Variants in CBFA2T3 observed in about 807,000 individuals in gnomAD.
The protein encoded by CBFA2T3 is transcriptional corepressor CBFA2T3.
Under a neutral mutation model 58.6 loss-of-function variants are expected in CBFA2T3, and 31 were observed. That is an observed-to-expected ratio of 0.53 (90% confidence interval 0.40 to 0.71). CBFA2T3 has a LOEUF of 0.71. Among genes scored for constraint, CBFA2T3 ranks in the 30% least tolerant of loss-of-function variants. The pLI, the probability that CBFA2T3 is intolerant of heterozygous loss-of-function variation, is 0.00. For synonymous variants in CBFA2T3, 531 were observed against 421.9 expected, an observed-to-expected ratio of 1.26 and a Z score of -3.17; for missense variants, 1,076 against 963.1, an observed-to-expected ratio of 1.12 and a Z score of -1.55.
At position 88,891,975 on chromosome 16, in the gene CBFA2T3, CA is replaced by C. The variant is rs766371431; in HGVS notation, c.622-5del. On this transcript the variant is annotated splice_polypyrimidine_tract_variant and splice_region_variant and intron_variant, in intron 4 of 11. Transcript: ENST00000268679. Reference sequence around the variant, plus strand: ...CCTCGATCGTCAATGTCGAGTTCTGCAGGGGAGAAAACCCACCTCACATCAG... The same window carrying C: ...CCTCGATCGTCAATGTCGAGTTCTGCGGGGAGAAAACCCACCTCACATCAG... 1.2e-6 allele frequency: 2 copies of C among 1,611,536 alleles called. No individual in the cohort carries two copies. Among genetic ancestry groups the C allele is most frequent in the Admixed American group, 3.3e-5 (2 of 59,954 alleles).
intron 1 of CBFA2T3, among the ~76,000 whole-genome samples, chr16:88,912,285 C>G (rs1430168935): frequency 6.6e-6 from 1 of 152,240 alleles, no homozygotes. Flanking sequence ...CAAGTGAACC[C>G]AGGGCTCGCC....
intron 1 of CBFA2T3, among the ~76,000 whole-genome samples, chr16:88,945,625 G>A (rs577913044): frequency 2.7e-4 from 41 of 152,262 alleles, no homozygotes; most frequent in African/African-American, 9.9e-4. Context: ...GAGAGGCCAC[G>A]ACACGCCTGT....
chr16:88,882,134 G>C (rs976236413), intron 8 of CBFA2T3, among the ~76,000 whole-genome samples: 5 of 152,260 alleles, frequency 3.3e-5, no homozygotes, highest in Non-Finnish European at 5.9e-5. Context: ...GCTGGGAGGA[G>C]GGGGGCTCAG....
chr16:88,936,573 C>A (rs371023786), intron 1 of CBFA2T3, among the ~76,000 whole-genome samples: 307 of 152,292 alleles, frequency 2.0e-3, no homozygotes, highest in African/African-American at 6.6e-3. Flanking sequence ...CCAGACCCGA[C>A]GGGGCAGAAC....
intron 1 of CBFA2T3, among the ~76,000 whole-genome samples, chr16:88,927,668 G>C (rs1254048223): frequency 6.6e-6 from 1 of 152,190 alleles, no homozygotes; most frequent in Non-Finnish European, 1.5e-5. Context: ...TGTCACAGAG[G>C]GAGCCGGGGA....
At chr16:88,898,417 G>A (rs1043926329) in intron 2 of CBFA2T3, among the ~76,000 whole-genome samples, 5 of 152,196 alleles carry the variant, frequency 3.3e-5, no homozygotes, top group African/African-American at 7.2e-5. Context: ...ATTTTCTGAC[G>A]GGGCTCTGTC....
At chr16:88,908,738 C>T (rs920983693) in intron 1 of CBFA2T3, among the ~76,000 whole-genome samples, 2 of 152,246 alleles carry the variant, frequency 1.3e-5, no homozygotes, top group African/African-American at 2.4e-5. Context: ...GCCCTGCTTC[C>T]GCTGTAACCT....
At chr16:88,942,536 C>G (rs2142815465) in intron 1 of CBFA2T3, among the ~76,000 whole-genome samples, 1 of 152,294 alleles carries the variant, frequency 6.6e-6, no homozygotes. Context: ...CTCTCATGGA[C>G]TTGGCTCTAC....
chr16:88,881,204 C>T (rs550677950), intron 9 of CBFA2T3, 87 bp downstream of exon 9: 20 of 1,181,270 alleles, frequency 1.7e-5, no homozygotes, highest in African/African-American at 6.0e-5. Flanking sequence ...CCTGGTGTTT[C>T]GTTGCATTGC....
Position 88,892,025 on chromosome 16 carries a change from G to A in CBFA2T3, c.622-54C>T, listed in dbSNP as rs948284297. On this transcript the variant is annotated intron_variant, in intron 4 of 11. Transcript: ENST00000268679. Reference sequence around the variant, plus strand: ...AGCACCGCTCGGCATGTGAGCCAGCGCCGACCCACCCATGCCTGAGGAGGA... The same window carrying A: ...AGCACCGCTCGGCATGTGAGCCAGCACCGACCCACCCATGCCTGAGGAGGA... 3.2e-5 allele frequency: 48 copies of A among 1,493,224 alleles called. No homozygotes were observed. The South Asian group carries it at 4.2e-4, about 13-fold the overall frequency. 92.5% of individuals were successfully genotyped at this position (1,493,224 alleles called of 1,614,324 possible). A position where few individuals can be genotyped will look rare whatever the true frequency, so the allele number is the denominator to read the frequency against.
At chr16:88,921,924 C>CCT (rs1193685402) in intron 1 of CBFA2T3, among the ~76,000 whole-genome samples, 2 of 152,260 alleles carry the variant, frequency 1.3e-5, no homozygotes, top group African/African-American at 4.8e-5. Context: ...CTCACCCAGA[C>CCT]CTCTCTGCGC....
At chr16:88,966,786 G>A (rs921179846) in intron 1 of CBFA2T3, among the ~76,000 whole-genome samples, 27 of 152,196 alleles carry the variant, frequency 1.8e-4, no homozygotes, top group African/African-American at 6.3e-4. Flanking sequence ...CCCTGGCCCT[G>A]CCTGGCTTGC....
chr16:88,942,169 C>T (rs1346712515), intron 1 of CBFA2T3, among the ~76,000 whole-genome samples: 2 of 152,188 alleles, frequency 1.3e-5, no homozygotes, highest in Non-Finnish European at 2.9e-5. Flanking sequence ...ACTTTCTCTG[C>T]CGGCAGGCCC....
At chr16:88,921,428 G>A (rs991925707) in intron 1 of CBFA2T3, among the ~76,000 whole-genome samples, 2 of 152,238 alleles carry the variant, frequency 1.3e-5, no homozygotes, top group Non-Finnish European at 2.9e-5. Context: ...GGTGACGGAT[G>A]GGGTGGCAGG....
At chr16:88,898,864 TA>T (rs1375627914) in intron 2 of CBFA2T3, among the ~76,000 whole-genome samples, 1 of 151,864 alleles carries the variant, frequency 6.6e-6, no homozygotes, top group African/African-American at 2.4e-5. Flanking sequence ...CTCTACTATA[TA>T]AAAAAAGAAA....
chr16:88,881,569 G>A lies in CBFA2T3; in HGVS notation c.1204-80C>T, dbSNP rs1969082539. ...CACTCCCCCAGCCCACTCGGCCAGAGCCCCGGACAGGATGGGTGCCCGACC... is the reference window on the plus strand; with the variant it reads ...CACTCCCCCAGCCCACTCGGCCAGAACCCCGGACAGGATGGGTGCCCGACC... On this transcript the variant is annotated intron_variant, in intron 8 of 11. Transcript: ENST00000268679. 14 of 1,440,376 alleles carry A rather than the reference G, an allele frequency of 9.7e-6. No homozygotes were observed. The South Asian group carries it at 1.1e-4, about 12-fold the overall frequency. The allele number at this position is 1,440,376 out of a possible 1,614,324, so 89.2% of individuals were successfully genotyped here. A position where few individuals can be genotyped will look rare whatever the true frequency, so the allele number is the denominator to read the frequency against.
chr16:88,897,747 G>C (rs1349750886), intron 3 of CBFA2T3, among the ~76,000 whole-genome samples: 2 of 152,240 alleles, frequency 1.3e-5, no homozygotes, highest in African/African-American at 4.8e-5. Flanking sequence ...AGGCTGGCCA[G>C]GGACAGTGTC....
intron 1 of CBFA2T3, among the ~76,000 whole-genome samples, chr16:88,929,547 T>C (rs1270683502): frequency 6.6e-6 from 1 of 152,354 alleles, no homozygotes; most frequent in Admixed American, 6.5e-5. Context: ...TACCCACAGC[T>C]GCATGGTCCA....
chr16:88,906,918 G>A (rs141974126), intron 1 of CBFA2T3, among the ~76,000 whole-genome samples: 8 of 152,386 alleles, frequency 5.2e-5, no homozygotes, highest in East Asian at 3.9e-4. Context: ...ACGCGGCCCT[G>A]TGGGTGTCAC....
Sources: gnomAD v4.1 joint callset for allele counts (sites outside exome capture counted in the v4.1 genomes callset) on GRCh38, gnomAD v4.1.1 for gene constraint, MANE v1.5 for transcripts, NCBI Gene and HGNC (gene_info 2026-07-23, HGNC 2026-07-21) for gene names.